LINGO2: variants seen among roughly 807,000 people sequenced by gnomAD.
The protein encoded by LINGO2 is leucine rich repeat and Ig domain containing 2, also known as leucine-rich repeat and immunoglobulin-like domain-containing nogo receptor-interacting protein 2.
In LINGO2, 14 loss-of-function variants were observed where a neutral mutation model predicts 30.6. That is an observed-to-expected ratio of 0.46 (90% CI 0.30 to 0.72). The LOEUF is 0.72. Ranked by LOEUF, LINGO2 falls within the 30% of genes least tolerant of loss-of-function variation. LINGO2 has a pLI of 0.07. For missense variants in LINGO2, 729 were observed against 751.7 expected, an observed-to-expected ratio of 0.97 and a Z score of 0.35; for synonymous variants, 317 against 288.5, an observed-to-expected ratio of 1.10 and a Z score of -1.00.
chr9:28,087,881 C>A (rs1825959224), intron 4 of LINGO2, among the ~76,000 whole-genome samples: 1 of 151,984 alleles, frequency 6.6e-6, no homozygotes, highest in Non-Finnish European at 1.5e-5. Context: ...CCATGGCTAC[C>A]TAAGATACTT....
At chr9:28,164,454 C>T (rs1828371981) in intron 4 of LINGO2, among the ~76,000 whole-genome samples, 1 of 152,102 alleles carries the variant, frequency 6.6e-6, no homozygotes, top group Non-Finnish European at 1.5e-5. Context: ...TTATCTCCAT[C>T]TTAGAGATAA....
rs561913659 is a variant in LINGO2, at chr9:28,581,100, G to A, written c.-365+89100C>T. On this transcript the variant is annotated intron_variant, in intron 1 of 5. Transcript: ENST00000379992. Reference sequence around the variant, plus strand: ...CTATCTAACCAGTAGTGGGTAAGAAGGAAGAAATTCAGGCTGTTGACATTT... The same window carrying A: ...CTATCTAACCAGTAGTGGGTAAGAAAGAAGAAATTCAGGCTGTTGACATTT... Among the ~76,000 whole-genome samples, 4 of 152,048 alleles carry A rather than the reference G, an allele frequency of 2.6e-5. No homozygotes were observed. In the East Asian group the frequency reaches 7.8e-4, roughly 29 times the overall value.
chr9:28,398,125 C>A (rs576163694), intron 2 of LINGO2, among the ~76,000 whole-genome samples: 19 of 152,234 alleles, frequency 1.2e-4, no homozygotes, highest in African/African-American at 4.1e-4. Context: ...GTTATGATTA[C>A]CCTGGCTGAT....
the LINGO2 span, among the ~76,000 whole-genome samples, chr9:29,023,770 G>A: frequency 6.6e-6 from 1 of 152,082 alleles, no homozygotes; most frequent in African/African-American, 2.4e-5. Flanking sequence ...TAAATCTAAA[G>A]GCAAGTAATT....
Position 28,512,582 on chromosome 9 carries a change from T to TAG in LINGO2, c.-364-36558_-364-36557insCT, listed in dbSNP as rs1564255784. Among the ~76,000 whole-genome samples, 19 of 2,142 alleles carry TAG rather than the reference T, an allele frequency of 8.9e-3. 1 individual carries two copies. The highest frequency in any genetic ancestry group is 0.019 in the African/African-American group (19 of 1,018). The allele number at this position is 2,142 out of a possible 152,430, so 1.4% of individuals were successfully genotyped here. The stretch of plus-strand genomic sequence containing the variant: ...CTCTAGAGGGACAGAACTAACAGGA[T>TAG]ATATATGTGTGTATATATATATATA... On this transcript the variant is annotated intron_variant, in intron 1 of 5. Transcript: ENST00000379992.
chr9:29,138,956 G>A, the LINGO2 span, among the ~76,000 whole-genome samples: 1 of 152,114 alleles, frequency 6.6e-6, no homozygotes, highest in Admixed American at 6.6e-5. Context: ...AACAAATAGA[G>A]TATGGCAAAA....
In LINGO2 at chr9:28,272,961, A is replaced by T. The variant is rs148978565; in HGVS notation, c.-87+22247T>A. On this transcript the variant is annotated intron_variant, in intron 4 of 5. Coordinates refer to ENST00000379992, the Ensembl canonical transcript of LINGO2. ...CAGTCTTCAGGTGCTCCCAGTGCACATCAGCTGAATAAAGCTCCCAGCTCA... is the reference window on the plus strand; with the variant it reads ...CAGTCTTCAGGTGCTCCCAGTGCACTTCAGCTGAATAAAGCTCCCAGCTCA... 3.4e-4 allele frequency among the ~76,000 whole-genome samples: 52 copies of T among 152,318 alleles called. No individual in the cohort carries two copies. The East Asian group carries it at 9.6e-3, about 28-fold the overall frequency.
intron 5 of LINGO2, among the ~76,000 whole-genome samples, chr9:27,962,014 G>T (rs760879115): frequency 1.3e-5 from 2 of 152,126 alleles, no homozygotes; most frequent in African/African-American, 4.8e-5. Flanking sequence ...TGTGTGGGGT[G>T]CCTGGGCAGA....
the LINGO2 span, among the ~76,000 whole-genome samples, chr9:28,873,140 G>A: frequency 2.6e-5 from 4 of 152,040 alleles, no homozygotes; most frequent in African/African-American, 9.6e-5. Context: ...AGGCCGAGGT[G>A]GGCGGATCAC....
chr9:28,513,084 TACACACACACACAC>T (rs57773955), intron 1 of LINGO2, among the ~76,000 whole-genome samples: 34,345 of 146,452 alleles, frequency 0.23, 3,953 homozygotes, highest in South Asian at 0.33. Flanking sequence ...TTAACCATCA[TACACACACACACAC>T]ACACACACAC....
intron 1 of LINGO2, among the ~76,000 whole-genome samples, chr9:28,543,670 A>C (rs1193150188): frequency 1.3e-5 from 2 of 152,100 alleles, no homozygotes; most frequent in Non-Finnish European, 2.9e-5. Context: ...ATGCTTTTTA[A>C]ATAACCCTGA....
chr9:28,572,061 C>T (rs1237677010), intron 1 of LINGO2, among the ~76,000 whole-genome samples: 4 of 152,054 alleles, frequency 2.6e-5, no homozygotes, highest in Non-Finnish European at 5.9e-5. Flanking sequence ...TGACTCTACA[C>T]CGTGCTGTCA....
At chr9:28,669,382 T>C (rs1388725285) in intron 1 of LINGO2, among the ~76,000 whole-genome samples, 2 of 152,136 alleles carry the variant, frequency 1.3e-5, no homozygotes, top group African/African-American at 4.8e-5. Context: ...TGCAGTTCCA[T>C]ATACCTTTCT....
chr9:28,761,880 T>C, the LINGO2 span, among the ~76,000 whole-genome samples: 1 of 152,040 alleles, frequency 6.6e-6, no homozygotes, highest in Non-Finnish European at 1.5e-5. Flanking sequence ...AAAACATGTA[T>C]GCAATGGGTT....
chr9:28,608,645 GTAT>G (rs1327073238), intron 1 of LINGO2, among the ~76,000 whole-genome samples: 9 of 152,010 alleles, frequency 5.9e-5, no homozygotes, highest in African/African-American at 2.2e-4. Flanking sequence ...AAAAGATCTA[GTAT>G]TATTGTAGGG....
At chr9:29,131,992 C>T in the LINGO2 span, among the ~76,000 whole-genome samples, 3 of 151,488 alleles carry the variant, frequency 2.0e-5, no homozygotes, top group Non-Finnish European at 4.4e-5. Context: ...GACCATCAAG[C>T]TCCAGATGAT....
chr9:28,797,684 A>G, the LINGO2 span, among the ~76,000 whole-genome samples: 1 of 152,184 alleles, frequency 6.6e-6, no homozygotes, highest in African/African-American at 2.4e-5. Context: ...TGTCTATTAG[A>G]TATTTAAATA....
the LINGO2 span, among the ~76,000 whole-genome samples, chr9:28,837,681 T>TATATATATATATATATATATATATATATA: frequency 2.4e-4 from 31 of 130,782 alleles, no homozygotes; most frequent in Non-Finnish European, 3.1e-4. Flanking sequence ...TATATATATA[T>TATATATATATATATATATATATATATATA]TTAGGATAAC....
chr9:28,274,296 A>T (rs1823041508), intron 4 of LINGO2, among the ~76,000 whole-genome samples: 1 of 152,134 alleles, frequency 6.6e-6, no homozygotes, highest in African/African-American at 2.4e-5. Flanking sequence ...CCCATTTCTG[A>T]TAGTAATTTT....
Sources: allele counts gnomAD v4.1 joint callset (sites outside exome capture counted in the v4.1 genomes callset), GRCh38; gene constraint gnomAD v4.1.1; transcripts MANE v1.5; gene names NCBI Gene and HGNC (gene_info 2026-07-23, HGNC 2026-07-21).